Variants in SLC9C2 observed in about 807,000 individuals in gnomAD.
SLC9C2 encodes sodium/hydrogen exchanger 11.
In SLC9C2, 75 loss-of-function variants were observed where a neutral mutation model predicts 140.2. The observed-to-expected ratio is 0.53, with a 90% CI of 0.44 to 0.65. The LOEUF is 0.65. Ranked by LOEUF, SLC9C2 falls within the 30% of genes least tolerant of loss-of-function variation. The pLI is 0.00. For synonymous variants in SLC9C2, 375 were observed against 420.9 expected (o/e 0.89, Z 1.34); for missense variants, 1,074 against 1,331.8 (o/e 0.81, Z 3.01).
intron 9 of SLC9C2, among the ~76,000 whole-genome samples, chr1:173,562,595 A>G (rs1664190147): frequency 2.6e-5 from 4 of 152,192 alleles, no homozygotes. Context: ...TTTCATCTCT[A>G]TGAATACAAC....
chr1:173,595,629 A>G (rs1236044732), intron 4 of SLC9C2, among the ~76,000 whole-genome samples: 1 of 152,222 alleles, frequency 6.6e-6, no homozygotes, highest in African/African-American at 2.4e-5. Flanking sequence ...ACCAAAAAAT[A>G]GAACATAAAA....
In SLC9C2 at chr1:173,500,657, A is replaced by T. The variant is rs1166558363; in HGVS notation, c.*437T>A. Reference sequence around the variant, plus strand: ...CAATATTTACCAAACTGGGAAGGGGAGAATAGCTATACTCGGGAAAATATT... The same window carrying T: ...CAATATTTACCAAACTGGGAAGGGGTGAATAGCTATACTCGGGAAAATATT... On this transcript the variant is annotated 3_prime_UTR_variant, in exon 28 of 28. Transcript: ENST00000367714. 1 of 152,492 alleles carries T rather than the reference A, an allele frequency of 6.6e-6. No individual in the cohort carries two copies. Among genetic ancestry groups the T allele is most frequent in the East Asian group, 1.9e-4 (1 of 5,212 alleles). The allele number at this position is 152,492 out of a possible 1,614,324, so 9.4% of individuals were successfully genotyped here.
intron 9 of SLC9C2, among the ~76,000 whole-genome samples, chr1:173,561,163 T>C (rs1260330326): frequency 1.3e-5 from 2 of 152,214 alleles, no homozygotes; most frequent in Non-Finnish European, 2.9e-5. Flanking sequence ...ATTTATATAT[T>C]TATTTTATCC....
intron 9 of SLC9C2, among the ~76,000 whole-genome samples, chr1:173,570,109 G>A (rs964310399): frequency 1.3e-5 from 2 of 152,114 alleles, no homozygotes; most frequent in African/African-American, 4.8e-5. Context: ...GCCTAGGCCT[G>A]GACTTGGGAC....
chr1:173,524,180 C>A, intron 20 of SLC9C2, 86 bp from the exon 21 acceptor site: 1 of 1,247,884 alleles, frequency 8.0e-7, no homozygotes, highest in Non-Finnish European at 1.1e-6. Context: ...TCTAAATAAA[C>A]TACTGTTAGG....
intron 2 of SLC9C2, among the ~76,000 whole-genome samples, chr1:173,601,082 C>T (rs1342367676): frequency 6.6e-6 from 1 of 152,120 alleles, no homozygotes; most frequent in Non-Finnish European, 1.5e-5. Context: ...ATTTGTGAAG[C>T]CTTTCCTAAT....
Position 173,501,094 on chromosome 1 carries a change from T to C in SLC9C2, c.3375A>G (p.Ter1125TrpextTer32). 3.3e-6 allele frequency: 5 copies of C among 1,534,842 alleles called. No homozygotes were observed. Among genetic ancestry groups the C allele is most frequent in the Non-Finnish European group, 4.4e-6 (5 of 1,140,200 alleles). ...CCTTTTCTAAAATGGTATCCAGTTT[T>C]CAACTATAAAAGAAAGTCAAAAGTT... ...KNINGRQKMS* is the reference protein window; with the variant it reads ...KNINGRQKMSW The change falls in exon 28 of 28, where the codon TGA becomes TGG. Residue 1125 changes from the stop codon to tryptophan, a stop_lost. Transcript: ENST00000367714.
chr1:173,544,425 T>A (rs1008080172), intron 13 of SLC9C2, among the ~76,000 whole-genome samples: 3 of 152,300 alleles, frequency 2.0e-5, no homozygotes, highest in Admixed American at 1.3e-4. Context: ...GTAAACTAGT[T>A]CAACCATTGT....
chr1:173,588,083 C>T (rs1328414324), intron 4 of SLC9C2, among the ~76,000 whole-genome samples: 1 of 152,156 alleles, frequency 6.6e-6, no homozygotes, highest in Non-Finnish European at 1.5e-5. Context: ...CAATGGTTCT[C>T]AATATGAAAG....
chr1:173,583,384 T>C (rs1665665977), intron 6 of SLC9C2, 122 bp downstream of exon 6: 2 of 549,078 alleles, frequency 3.6e-6, no homozygotes, highest in Middle Eastern at 4.8e-4. Flanking sequence ...TGTTACTTCA[T>C]ATATCATTGT....
chr1:173,575,179 A>G (rs1010238294), intron 8 of SLC9C2, among the ~76,000 whole-genome samples: 3 of 152,134 alleles, frequency 2.0e-5, no homozygotes, highest in Admixed American at 6.5e-5. Flanking sequence ...TGTATACAGT[A>G]GAACCTGAAT....
chr1:173,509,678 C>A lies in SLC9C2; in HGVS notation c.2929G>T (p.Asp977Tyr). 2 of 1,591,720 alleles carry A rather than the reference C, an allele frequency of 1.3e-6. No individual in the cohort carries two copies. Among genetic ancestry groups the A allele is most frequent in the Non-Finnish European group, 1.7e-6 (2 of 1,174,084 alleles). ...AAGGCATCAAAGCCTTCATATAAAT[C>A]CTCCAGGGAGATAAAGCAGGCCTGA... ...SLQACFISLE[D>Y]LYEGFDAFWP... is the part of the protein sequence containing the mutation. Residue 977 changes from aspartate (D) to tyrosine (Y), a missense_variant, in exon 24 of 28, where the codon GAT (aspartate) becomes TAT (tyrosine). By Grantham distance (160) the Asp-to-Tyr change is radical (BLOSUM62 -3). Transcript: ENST00000367714.
chr1:173,583,734 A>G, intron 5 of SLC9C2, 112 bp from the exon 6 acceptor site: 1 of 616,212 alleles, frequency 1.6e-6, no homozygotes, highest in South Asian at 2.7e-5. Context: ...AGAAAGAACA[A>G]GGCAACTATG....
At chr1:173,599,770 ATT>A (rs1297823212) in intron 3 of SLC9C2, among the ~76,000 whole-genome samples, 1 of 151,730 alleles carries the variant, frequency 6.6e-6, no homozygotes, top group Non-Finnish European at 1.5e-5. Context: ...CTCCTAGCTA[ATT>A]TTTGTATTTT....
chr1:173,550,909 A>AGAGAGAGAGAGAG (rs1663248912), intron 11 of SLC9C2, among the ~76,000 whole-genome samples: 136 of 130,332 alleles, frequency 1.0e-3, no homozygotes, highest in African/African-American at 2.3e-3. Context: ...AGAGAGAGAG[A>AGAGAGAGAGAGAG]AGGAAGGGAA....
At chr1:173,539,178 T>C (rs1176185825) in intron 13 of SLC9C2, among the ~76,000 whole-genome samples, 1 of 152,210 alleles carries the variant, frequency 6.6e-6, no homozygotes, top group African/African-American at 2.4e-5. Flanking sequence ...AAGTGTTCTT[T>C]GAAACTCACA....
intron 9 of SLC9C2, chr1:173,571,700 T>C (rs969090636): frequency 8.5e-5 from 13 of 152,182 alleles, no homozygotes; most frequent in African/African-American, 2.9e-4. Flanking sequence ...GTTTTCAGAG[T>C]ATTTTGTCCA....
intron 22 of SLC9C2, among the ~76,000 whole-genome samples, chr1:173,518,689 C>G (rs1279800332): frequency 4.6e-5 from 7 of 152,096 alleles, no homozygotes; most frequent in Admixed American, 3.3e-4. Context: ...GGTTCTTGTT[C>G]AAGACACAGG....
At chr1:173,550,670 C>A (rs1663214890) in intron 11 of SLC9C2, among the ~76,000 whole-genome samples, 1 of 151,768 alleles carries the variant, frequency 6.6e-6, no homozygotes, top group South Asian at 2.1e-4. Context: ...ATCTCTTGAC[C>A]TTGTGATCCG....
Sources: allele counts gnomAD v4.1 joint callset (sites outside exome capture counted in the v4.1 genomes callset), GRCh38; gene constraint gnomAD v4.1.1; transcripts MANE v1.5; gene names NCBI Gene and HGNC (gene_info 2026-07-23, HGNC 2026-07-21).